Variants in CPPED1 observed in about 807,000 individuals in gnomAD.
CPPED1 encodes calcineurin like phosphoesterase domain containing 1.
Under a neutral mutation model 28.0 loss-of-function variants are expected in CPPED1, and 28 were observed. The ratio of observed to expected loss-of-function variants is 1.00; its 90% CI spans 0.74 to 1.37. CPPED1 has a LOEUF of 1.37. CPPED1 is among the 40% of genes most tolerant of loss of function. The pLI is 0.00. For synonymous variants in CPPED1, 198 were observed against 180.2 expected, an observed-to-expected ratio of 1.10 and a Z score of -0.79; for missense variants, 504 against 416.5, an observed-to-expected ratio of 1.21 and a Z score of -1.83.
At chr16:12,702,405 G>C (rs1348816395) in intron 3 of CPPED1, among the ~76,000 whole-genome samples, 1 of 152,104 alleles carries the variant, frequency 6.6e-6, no homozygotes, top group Non-Finnish European at 1.5e-5. Context: ...GGGCATGGTG[G>C]TGTGTGCCTA....
intron 3 of CPPED1, among the ~76,000 whole-genome samples, chr16:12,695,219 G>A (rs1034139552): frequency 2.6e-5 from 4 of 152,172 alleles, no homozygotes; most frequent in African/African-American, 9.7e-5. Context: ...GGTGAGGTAT[G>A]TTAAATTAAG....
chr16:12,668,410 A>G (rs2079836963), intron 3 of CPPED1, among the ~76,000 whole-genome samples: 1 of 152,230 alleles, frequency 6.6e-6, no homozygotes, highest in African/African-American at 2.4e-5. Context: ...GGAGATAAAA[A>G]TACGGAATAA....
intron 1 of CPPED1, among the ~76,000 whole-genome samples, chr16:12,791,122 A>G (rs1380003971): frequency 6.6e-6 from 1 of 151,166 alleles, no homozygotes; most frequent in African/African-American, 2.4e-5. Flanking sequence ...ATAGGTATAC[A>G]TGTGCCATGG....
At chr16:12,749,883 C>A (rs920069129) in intron 2 of CPPED1, among the ~76,000 whole-genome samples, 1 of 152,188 alleles carries the variant, frequency 6.6e-6, no homozygotes, top group Admixed American at 6.5e-5. Flanking sequence ...AGGCACCGCG[C>A]CTGGCAGAAT....
rs181717972 is a variant in CPPED1 at position 12,715,650 on chromosome 16, A to T, written c.290-10601T>A. On this transcript the variant is annotated intron_variant, in intron 2 of 3. Coordinates refer to ENST00000381774, the MANE Select transcript of CPPED1 (RefSeq NM_018340.3). ...ACTCCAGCCTGAGCAACAGAGCGAG[A>T]CTCCATCTCAAACAAACAAAAAAAG... Among the ~76,000 whole-genome samples the T allele has an allele frequency of 2.6e-5, 4 of 152,114 alleles. No homozygotes were observed. The East Asian group carries it at 7.7e-4, about 29-fold the overall frequency.
intron 2 of CPPED1, among the ~76,000 whole-genome samples, chr16:12,751,463 C>T (rs2080328300): frequency 6.6e-6 from 1 of 152,172 alleles, no homozygotes; most frequent in Non-Finnish European, 1.5e-5. Flanking sequence ...GATAGACCTC[C>T]TTGAAAAGTC....
Position 12,756,981 on chromosome 16 carries a change from C to T in CPPED1, c.289+24204G>A, listed in dbSNP as rs115925665. ...TTTTAGATTCAATCCCGTGAAAAAA[C>T]GTTTATCTTCACAAACTAGAATCAG... is the stretch of plus-strand genomic sequence containing the variant. On this transcript the variant is annotated intron_variant, in intron 2 of 3. Transcript: ENST00000381774. 5.5e-3 allele frequency among the ~76,000 whole-genome samples: 837 copies of T among 152,258 alleles called. 12 individuals are homozygous for T. The highest frequency in any genetic ancestry group is 0.019 in the African/African-American group (779 of 41,536).
chr16:12,773,879 T>C (rs2080483280), intron 2 of CPPED1, among the ~76,000 whole-genome samples: 1 of 152,196 alleles, frequency 6.6e-6, no homozygotes, highest in South Asian at 2.1e-4. Flanking sequence ...GTTACACCTA[T>C]TCACACCTAA....
intron 3 of CPPED1, among the ~76,000 whole-genome samples, chr16:12,691,338 T>C (rs1325519907): frequency 6.6e-6 from 1 of 152,164 alleles, no homozygotes; most frequent in Non-Finnish European, 1.5e-5. Context: ...GCTAGTGGCG[T>C]AATCTTGGCT....
intron 2 of CPPED1, among the ~76,000 whole-genome samples, chr16:12,728,064 C>T (rs953584194): frequency 6.6e-6 from 1 of 152,158 alleles, no homozygotes; most frequent in African/African-American, 2.4e-5. Context: ...CGCTTCCTTC[C>T]CTTGCTGCAT....
chr16:12,697,560 A>T (rs570949795), intron 3 of CPPED1, among the ~76,000 whole-genome samples: 1 of 152,300 alleles, frequency 6.6e-6, no homozygotes, highest in Non-Finnish European at 1.5e-5. Flanking sequence ...TTCTGGGGAG[A>T]GCAAGAGCGT....
intron 2 of CPPED1, among the ~76,000 whole-genome samples, chr16:12,706,840 G>C (rs2080054084): frequency 6.6e-6 from 1 of 152,166 alleles, no homozygotes; most frequent in Non-Finnish European, 1.5e-5. Flanking sequence ...GGGTCAGCCA[G>C]CCTTTCCCGA....
chr16:12,724,169 C>T (rs2080156992), intron 2 of CPPED1, among the ~76,000 whole-genome samples: 1 of 152,168 alleles, frequency 6.6e-6, no homozygotes, highest in Non-Finnish European at 1.5e-5. Context: ...CCTGTGTTCA[C>T]AGTGGTGGCG....
At chr16:12,774,712 G>C (rs569622211) in intron 2 of CPPED1, among the ~76,000 whole-genome samples, 7 of 152,182 alleles carry the variant, frequency 4.6e-5, no homozygotes, top group African/African-American at 1.4e-4. Context: ...TGGATCGTGA[G>C]GGCCATGCCC....
intron 1 of CPPED1, among the ~76,000 whole-genome samples, chr16:12,799,151 AG>A (rs1447790339): frequency 6.6e-6 from 1 of 152,142 alleles, no homozygotes; most frequent in African/African-American, 2.4e-5. Context: ...GCAAAGGTGA[AG>A]GGTTCAGAGC....
chr16:12,714,393 C>G (rs959551430), intron 2 of CPPED1, among the ~76,000 whole-genome samples: 1 of 152,138 alleles, frequency 6.6e-6, no homozygotes, highest in Non-Finnish European at 1.5e-5. Context: ...AAGCACCATC[C>G]TACATTCCTA....
intron 2 of CPPED1, among the ~76,000 whole-genome samples, chr16:12,768,893 TTCAC>T (rs1432232009): frequency 6.8e-6 from 1 of 147,996 alleles, no homozygotes; most frequent in Non-Finnish European, 1.5e-5. Flanking sequence ...GAGACGGAGT[TTCAC>T]TCTTGTTGCC....
At chr16:12,689,797 T>A (rs371136476) in intron 3 of CPPED1, among the ~76,000 whole-genome samples, 2 of 152,122 alleles carry the variant, frequency 1.3e-5, no homozygotes, top group African/African-American at 4.8e-5. Flanking sequence ...CAGACTCTTA[T>A]GAAGATTGAT....
chr16:12,750,025 A>C (rs1388079660), intron 2 of CPPED1, among the ~76,000 whole-genome samples: 1 of 152,238 alleles, frequency 6.6e-6, no homozygotes, highest in African/African-American at 2.4e-5. Flanking sequence ...TCTTAAATAC[A>C]TTAAACGTTT....
Sources: gnomAD v4.1 joint callset for allele counts (sites outside exome capture counted in the v4.1 genomes callset) on GRCh38, gnomAD v4.1.1 for gene constraint, MANE v1.5 for transcripts, NCBI Gene and HGNC (gene_info 2026-07-23, HGNC 2026-07-21) for gene names.